The following SEMA4D variants were observed in gnomAD, a reference collection of about 807,000 sequenced individuals.
SEMA4D encodes the protein semaphorin 4D.
In SEMA4D, 22 loss-of-function variants were observed where a neutral mutation model predicts 74.8. The observed-to-expected ratio is 0.29, with a 90% CI of 0.21 to 0.42. SEMA4D has a LOEUF of 0.42. Ranked by LOEUF, SEMA4D falls within the 10% of genes least tolerant of loss-of-function variation. SEMA4D has a pLI of 1.00. For synonymous variants in SEMA4D, 445 were observed against 463.7 expected (o/e 0.96, Z 0.52); for missense variants, 937 against 1,118.4 (o/e 0.84, Z 2.31).
intron 1 of SEMA4D, among the ~76,000 whole-genome samples, chr9:89,481,978 C>T (rs1285473491): frequency 2.6e-5 from 4 of 152,214 alleles, no homozygotes; most frequent in Middle Eastern, 3.2e-3. Context: ...GAGAGGGTTT[C>T]GCTGCTGCTG....
At chr9:89,415,391 GC>G (rs1845501976) in intron 2 of SEMA4D, among the ~76,000 whole-genome samples, 1 of 152,204 alleles carries the variant, frequency 6.6e-6, no homozygotes. Flanking sequence ...TAACCCTGCG[GC>G]CCTAAAGGGA....
Position 89,362,196 on chromosome 9 carries a change from C to A in SEMA4D, c.*206G>T, listed in dbSNP as rs950626655. 5 of 742,420 alleles carry A rather than the reference C, an allele frequency of 6.7e-6. No individual in the cohort carries two copies. In the Admixed American group the frequency reaches 1.3e-4, roughly 20 times the overall value. The allele number at this position is 742,420 out of a possible 1,614,324, so 46.0% of individuals were successfully genotyped here. On this transcript the variant is annotated 3_prime_UTR_variant, in exon 19 of 19. Transcript: ENST00000339861. ...GCACCTAATTTTTTAAGTCTTAGTT[C>A]CTGTCACAGGCCCACTTGGGTTCCA... is the stretch of plus-strand genomic sequence containing the variant.
At chr9:89,461,957 T>C (rs1020988454) in intron 1 of SEMA4D, among the ~76,000 whole-genome samples, 1 of 152,128 alleles carries the variant, frequency 6.6e-6, no homozygotes, top group Admixed American at 6.5e-5. Context: ...CACCTCGGCC[T>C]CCCAAAGTGC....
chr9:89,424,190 C>T (rs1239283380), intron 2 of SEMA4D, among the ~76,000 whole-genome samples: 1 of 152,188 alleles, frequency 6.6e-6, no homozygotes, highest in Non-Finnish European at 1.5e-5. Context: ...AGACACAGCC[C>T]TACCACCAGA....
chr9:89,397,301 C>T (rs1841196503), intron 5 of SEMA4D, among the ~76,000 whole-genome samples: 3 of 152,210 alleles, frequency 2.0e-5, no homozygotes, highest in South Asian at 2.1e-4. Flanking sequence ...GTACGTGGAC[C>T]ACTTGTTCTG....
At chr9:89,444,184 GTC>G (rs1409663907) in intron 2 of SEMA4D, among the ~76,000 whole-genome samples, 9 of 152,122 alleles carry the variant, frequency 5.9e-5, no homozygotes, top group Admixed American at 5.2e-4. Context: ...CCACCTGGTG[GTC>G]TCTGTTTTCC....
chr9:89,433,409 C>T (rs111424674), intron 2 of SEMA4D, among the ~76,000 whole-genome samples: 30 of 152,266 alleles, frequency 2.0e-4, no homozygotes, highest in African/African-American at 7.2e-4. Context: ...GGTCTCCAAT[C>T]GGCAGGGAGG....
At chr9:89,405,994 G>T in intron 2 of SEMA4D, 1 of 1,046,252 alleles carries the variant, frequency 9.6e-7, no homozygotes, top group Non-Finnish European at 1.2e-6. Context: ...ACACATGGCC[G>T]GCTGGCTGCC....
At chr9:89,439,888 T>C (rs765847684) in intron 2 of SEMA4D, among the ~76,000 whole-genome samples, 4 of 152,210 alleles carry the variant, frequency 2.6e-5, no homozygotes, top group Non-Finnish European at 5.9e-5. Context: ...GCTCACCGCA[T>C]CTTAGTGTCA....
At chr9:89,443,625 C>T (rs1268019894) in intron 2 of SEMA4D, among the ~76,000 whole-genome samples, 2 of 152,236 alleles carry the variant, frequency 1.3e-5, no homozygotes, top group Non-Finnish European at 2.9e-5. Flanking sequence ...CGCTCAGCTG[C>T]ACCCCACCCC....
Position 89,387,486 on chromosome 9 carries a change from C to T in SEMA4D, c.1230G>A (p.Arg410=). 1 of 1,614,202 alleles carries T rather than the reference C, an allele frequency of 6.2e-7. No homozygotes were observed. Among genetic ancestry groups the T allele is most frequent in the South Asian group, 1.1e-5 (1 of 91,084 alleles). The part of the protein sequence containing the change: ...MDDSVTPIDN[R]PRLIKKDVNY... ...TCACATCTTTCTTGATTAACCTGGG[C>T]CTGTTGTCTATTGGGGTTACCGAGT... The change falls in exon 12 of 16, where the codon AGG becomes AGA. Residue 410 remains arginine, a synonymous_variant. Transcript: ENST00000422704.
chr9:89,476,241 G>C (rs1861713415), intron 1 of SEMA4D, among the ~76,000 whole-genome samples: 1 of 151,956 alleles, frequency 6.6e-6, no homozygotes, highest in South Asian at 2.1e-4. Flanking sequence ...AATACACCTT[G>C]AGCAAGCTCA....
intron 1 of SEMA4D, among the ~76,000 whole-genome samples, chr9:89,490,637 C>A (rs560835268): frequency 1.3e-5 from 2 of 152,122 alleles, no homozygotes. Context: ...TGCTTTTGGG[C>A]GGGTCAGGTG....
chr9:89,399,990 G>C (rs184809327), intron 4 of SEMA4D, among the ~76,000 whole-genome samples: 49 of 107,942 alleles, frequency 4.5e-4, no homozygotes, highest in African/African-American at 1.6e-3. Context: ...CTGGGCAACA[G>C]AGTAAGACTC....
At chr9:89,391,677 C>T (rs1839908588) in intron 8 of SEMA4D, among the ~76,000 whole-genome samples, 3 of 152,246 alleles carry the variant, frequency 2.0e-5, no homozygotes. Flanking sequence ...GCATCCCACC[C>T]AGGTTCACCC....
At chr9:89,391,932 A>G (rs1286563650) in intron 8 of SEMA4D, among the ~76,000 whole-genome samples, 1 of 152,252 alleles carries the variant, frequency 6.6e-6, no homozygotes, top group East Asian at 1.9e-4. Context: ...CCCACAAGAA[A>G]AGCCCCCATG....
intron 2 of SEMA4D, among the ~76,000 whole-genome samples, chr9:89,413,233 G>A (rs182829323): frequency 6.6e-6 from 1 of 152,316 alleles, no homozygotes; most frequent in Admixed American, 6.5e-5. Flanking sequence ...CTGTTCATGA[G>A]GGTGCACGAG....
At chr9:89,410,341 T>C (rs1844256266) in intron 2 of SEMA4D, among the ~76,000 whole-genome samples, 6 of 152,222 alleles carry the variant, frequency 3.9e-5, no homozygotes, top group Admixed American at 3.9e-4. Context: ...TCATTTTAAG[T>C]CCACATATTT....
chr9:89,402,298 A>C (rs976744902), intron 4 of SEMA4D, among the ~76,000 whole-genome samples: 4 of 152,254 alleles, frequency 2.6e-5, no homozygotes, highest in Non-Finnish European at 4.4e-5. Context: ...GCTGGCTCCT[A>C]GAAGCGGAGA....
Sources: gnomAD v4.1 joint callset for allele counts (sites outside exome capture counted in the v4.1 genomes callset) on GRCh38, gnomAD v4.1.1 for gene constraint, MANE v1.5 for transcripts, NCBI Gene and HGNC (gene_info 2026-07-23, HGNC 2026-07-21) for gene names.